Variants in DNAAF1 observed in about 807,000 individuals in gnomAD.
DNAAF1 encodes dynein axonemal assembly factor 1.
Under a neutral mutation model 71.1 loss-of-function variants are expected in DNAAF1, and 65 were observed. The ratio of observed to expected loss-of-function variants is 0.91; its 90% CI spans 0.75 to 1.12. The LOEUF (loss-of-function observed/expected upper bound fraction) is 1.12, where lower values mean the gene tolerates loss of function less well. Ranked by LOEUF, DNAAF1 falls within the 50% of genes most tolerant of loss-of-function variation. The pLI, the probability that DNAAF1 is intolerant of heterozygous loss-of-function variation, is 0.00. For synonymous variants in DNAAF1, 414 were observed against 354.6 expected (o/e 1.17, Z -1.88); for missense variants, 1,178 against 899.8 (o/e 1.31, Z -3.96).
In DNAAF1 at chr16:84,172,787, TC is replaced by T. The variant is rs1282958009; in HGVS notation, c.1644+418del. The T allele has an allele frequency of 4.0e-5, 43 of 1,073,864 alleles. No individual in the cohort carries two copies. In the South Asian group the frequency reaches 7.2e-4, roughly 18 times the overall value. 66.5% of individuals were successfully genotyped at this position (1,073,864 alleles called of 1,614,324 possible). A position where few individuals can be genotyped will look rare whatever the true frequency, so the allele number is the denominator to read the frequency against. ...TTGTATCTTTATACATTGTATCTTT[TC>T]CCCCCTCCGTGGACACCGCCCAGCA... On this transcript the variant is annotated intron_variant, in intron 9 of 11. Coordinates refer to ENST00000378553, the MANE Select transcript of DNAAF1 (RefSeq NM_178452.6).
chr16:84,148,076 A>G (rs560410229), intron 1 of DNAAF1, among the ~76,000 whole-genome samples: 7 of 152,278 alleles, frequency 4.6e-5, no homozygotes, highest in African/African-American at 1.7e-4. Flanking sequence ...CAAAAAAAAA[A>G]AGAAATAAAA....
chr16:84,177,642 T>C, intron 11 of DNAAF1, 87 bp from the exon 12 acceptor site: 1 of 1,145,494 alleles, frequency 8.7e-7, no homozygotes. Flanking sequence ...GACACTGAAT[T>C]TGGCCTGGAC....
rs1285964446 is a variant in DNAAF1 at position 84,164,279 on chromosome 16, CCAT to C, written c.864-1500_864-1498del. ...CTGGTACCTTATTATTGACTGAAGTCCATCATTTCTTTAGGGCTCACACTTGGT... is the reference window on the plus strand; with the variant it reads ...CTGGTACCTTATTATTGACTGAAGTCCATTTCTTTAGGGCTCACACTTGGT... On this transcript the variant is annotated intron_variant, in intron 6 of 11. Transcript: ENST00000378553. Among the ~76,000 whole-genome samples, 3 of 152,136 alleles carry C rather than the reference CCAT, an allele frequency of 2.0e-5. 1 individual carries two copies. Among genetic ancestry groups the C allele is most frequent in the African/African-American group, 7.2e-5 (3 of 41,422 alleles).
chr16:84,177,273 ATTTG>A (rs1001080425), intron 11 of DNAAF1: 9 of 252,466 alleles, frequency 3.6e-5, no homozygotes, highest in Admixed American at 2.0e-4. Flanking sequence ...ACGTTGAATA[ATTTG>A]TTTTTGTTTG....
Position 84,174,678 on chromosome 16 carries a change from G to A in DNAAF1, c.1654G>A (p.Asp552Asn). Residue 552 changes from aspartate (D) to asparagine (N), a missense_variant, in exon 10 of 12, where the codon GAC becomes AAC. By Grantham distance (23) the Asp-to-Asn change is conservative (BLOSUM62 1). Transcript: ENST00000378553. ...KETFCIDDLP[D>N]LEDDDETGKS... The stretch of plus-strand genomic sequence containing the variant: ...TCACTTGCTCTTTCAGGACCTACCT[G>A]ACTTGGAAGATGATGATGAAACAGG... 6.2e-7 allele frequency: 1 copy of A among 1,614,162 alleles called. No homozygotes were observed. The highest frequency in any genetic ancestry group is 1.1e-5 in the South Asian group (1 of 91,084).
At chr16:84,175,451 G>A in intron 10 of DNAAF1, 2 of 199,686 alleles carry the variant, frequency 1.0e-5, no homozygotes, top group Non-Finnish European at 2.1e-5. Flanking sequence ...TCCACCCAGA[G>A]GCCATTACTG....
intron 9 of DNAAF1, chr16:84,172,982 GA>G: frequency 1.0e-6 from 1 of 996,526 alleles, no homozygotes; most frequent in Non-Finnish European, 1.2e-6. Context: ...GGTACCATGG[GA>G]ATTCACACAT....
chr16:84,152,259 A>C (rs1266634829), intron 3 of DNAAF1, among the ~76,000 whole-genome samples: 1 of 152,172 alleles, frequency 6.6e-6, no homozygotes, highest in Middle Eastern at 3.2e-3. Flanking sequence ...AGGGAGAAAA[A>C]CCAGAATGTC....
chr16:84,176,515 G>A (rs1035075508), intron 11 of DNAAF1: 78 of 692,304 alleles, frequency 1.1e-4, no homozygotes, highest in African/African-American at 1.0e-3. Flanking sequence ...GGAAGCCACC[G>A]AGCCAGCCTC....
At chr16:84,167,875 G>A (rs2088107858) in intron 7 of DNAAF1, among the ~76,000 whole-genome samples, 1 of 152,102 alleles carries the variant, frequency 6.6e-6, no homozygotes, top group Non-Finnish European at 1.5e-5. Context: ...AAATTAGCTG[G>A]GCGTGGTGGC....
intron 1 of DNAAF1, among the ~76,000 whole-genome samples, chr16:84,147,400 G>A (rs985618707): frequency 3.9e-5 from 6 of 152,164 alleles, no homozygotes; most frequent in Admixed American, 2.0e-4. Context: ...AAGTGCGGTT[G>A]AATTGGCCAA....
Position 84,150,310 on chromosome 16 carries a change from C to T in DNAAF1, c.320C>T (p.Ala107Val), listed in dbSNP as rs1305642164. The change falls in exon 3 of 12, where the codon GCA becomes GTA. Residue 107 changes from alanine to valine, a missense_variant. Transcript: ENST00000378553. ...CAGCACAAGCTTTATATTACCCCAG[C>T]ATTGAATGATACGCTGTATTTACAC... Reference protein sequence around the residue: ...CKQHKLYITPALNDTLYLHFK... With the variant: ...CKQHKLYITPVLNDTLYLHFK... 1.9e-6 allele frequency: 3 copies of T among 1,613,816 alleles called. No homozygotes were observed. Among genetic ancestry groups the T allele is most frequent in the Non-Finnish European group, 2.5e-6 (3 of 1,179,704 alleles).
In DNAAF1 at chr16:84,158,966, A is replaced by G. The variant is rs1240016986; in HGVS notation, c.742-709A>G. On this transcript the variant is annotated intron_variant, in intron 5 of 11. Transcript: ENST00000378553. ...GGCTGGTCTCGAACTCCTGACCTCAAGTGATCCACCCACCTCAGCCTCCCA... is the reference window on the plus strand; with the variant it reads ...GGCTGGTCTCGAACTCCTGACCTCAGGTGATCCACCCACCTCAGCCTCCCA... 9 of 927,600 alleles carry G rather than the reference A, an allele frequency of 9.7e-6. No individual in the cohort carries two copies. In the African/African-American group the frequency reaches 1.4e-4, roughly 15 times the overall value. 57.5% of individuals were successfully genotyped at this position (927,600 alleles called of 1,614,324 possible). A position where few individuals can be genotyped will look rare whatever the true frequency, so the allele number is the denominator to read the frequency against.
At chr16:84,172,688 T>C in intron 9 of DNAAF1, 1 of 1,225,230 alleles carries the variant, frequency 8.2e-7, no homozygotes, top group South Asian at 1.6e-5. Context: ...CCAAAGAAGC[T>C]ATCTTGCTAA....
At chr16:84,149,521 C>G (rs924153846) in intron 2 of DNAAF1, among the ~76,000 whole-genome samples, 1 of 151,698 alleles carries the variant, frequency 6.6e-6, no homozygotes, top group Non-Finnish European at 1.5e-5. Flanking sequence ...GAAACCCCAT[C>G]TCTACTAAAA....
chr16:84,165,882 T>C lies in DNAAF1; in HGVS notation c.963T>C (p.Ile321=). Residue 321 remains isoleucine, a synonymous_variant, in exon 7 of 12, where the codon ATT becomes ATC. Transcript: ENST00000378553. ...SRERKKITDS[I]EALAMIKQRA... is the part of the protein sequence containing the mutation. ...AGCGGAAGAAGATCACAGACAGCAT[T>C]GAAGCCTTGGCCATGATCAAGCAGC... The C allele has an allele frequency of 6.2e-7, 1 of 1,613,360 alleles. No individual in the cohort carries two copies. The highest frequency in any genetic ancestry group is 8.5e-7 in the Non-Finnish European group (1 of 1,179,912).
chr16:84,152,921 C>T (rs1473865273), intron 3 of DNAAF1, among the ~76,000 whole-genome samples: 1 of 150,776 alleles, frequency 6.6e-6, no homozygotes, highest in Non-Finnish European at 1.5e-5. Context: ...TGTGCAATTG[C>T]ACTCCAGCCT....
chr16:84,170,091 G>C lies in DNAAF1; in HGVS notation c.1263G>C (p.Leu421=), dbSNP rs141248488. The C allele has an allele frequency of 8.8e-6, 14 of 1,589,548 alleles. No homozygotes were observed. The African/African-American group carries it at 1.8e-4, about 20-fold the overall frequency. ...EPEGTLPAET[L]LLSSPVEVKG... is the part of the protein sequence containing the mutation. The stretch of plus-strand genomic sequence containing the variant: ...AGGGGACCCTCCCAGCTGAGACCCT[G>C]CTACTGTCGTCACCTGTGGAGGTTA... The change falls in exon 8 of 12, where the codon CTG becomes CTC. Residue 421 remains leucine, a synonymous_variant. Transcript: ENST00000378553.
In DNAAF1 at chr16:84,150,339, A is replaced by G. The variant is rs2087125367; in HGVS notation, c.349A>G (p.Lys117Glu). The G allele has an allele frequency of 6.2e-7, 1 of 1,607,796 alleles. No homozygotes were observed. Among genetic ancestry groups the G allele is most frequent in the Non-Finnish European group, 8.5e-7 (1 of 1,174,342 alleles). ...ALNDTLYLHF[K>E]GFDRIENLEE... is the part of the protein sequence containing the mutation. The stretch of plus-strand genomic sequence containing the variant: ...GAATGATACGCTGTATTTACACTTT[A>G]AAGGTAAGGACCTAAGAGAGGAAGT... Residue 117 changes from lysine (K) to glutamate (E), a missense_variant, in exon 3 of 12, where the codon AAA (lysine) becomes GAA (glutamate). By Grantham distance (56) the Lys-to-Glu change is moderately conservative (BLOSUM62 1). Coordinates refer to ENST00000378553, the MANE Select transcript of DNAAF1 (RefSeq NM_178452.6).
Sources: allele counts gnomAD v4.1 joint callset (sites outside exome capture counted in the v4.1 genomes callset), GRCh38; gene constraint gnomAD v4.1.1; transcripts MANE v1.5; gene names NCBI Gene and HGNC (gene_info 2026-07-23, HGNC 2026-07-21).